NDUFAF2: variants seen among roughly 807,000 people sequenced by gnomAD.
NDUFAF2 encodes the protein NADH:ubiquinone oxidoreductase complex assembly factor 2, also known as NADH dehydrogenase [ubiquinone] 1 alpha subcomplex assembly factor 2.
NDUFAF2 carries 13 observed loss-of-function variants against 22.8 expected under a neutral mutation model. The ratio of observed to expected loss-of-function variants is 0.57; its 90% CI spans 0.37 to 0.91. The LOEUF (loss-of-function observed/expected upper bound fraction) is 0.91. Among genes scored for constraint, NDUFAF2 ranks in the 40% least tolerant of loss-of-function variants. NDUFAF2 has a pLI of 0.01. For synonymous variants in NDUFAF2, 53 were observed against 64.2 expected (o/e 0.83, Z 0.84); for missense variants, 162 against 195.2 (o/e 0.83, Z 1.01).
intron 1 of NDUFAF2, among the ~76,000 whole-genome samples, chr5:61,040,241 A>C (rs957698379): frequency 7.0e-6 from 1 of 143,758 alleles, no homozygotes; most frequent in African/African-American, 2.5e-5. Context: ...TCTTTATAGG[A>C]AGAGGAAAGG....
At chr5:60,982,636 G>A (rs928981621) in intron 1 of NDUFAF2, among the ~76,000 whole-genome samples, 4 of 146,336 alleles carry the variant, frequency 2.7e-5, no homozygotes, top group Admixed American at 7.2e-5. Flanking sequence ...ACCTATGAGT[G>A]GGAACATGCG....
At chr5:61,005,002 T>C (rs1751347510) in intron 1 of NDUFAF2, among the ~76,000 whole-genome samples, 2 of 152,150 alleles carry the variant, frequency 1.3e-5, no homozygotes, top group Non-Finnish European at 2.9e-5. Context: ...GTTTGTTACA[T>C]GTGTATACAT....
At chr5:61,056,940 ATATATATATATATT>A (rs1380663314) in intron 1 of NDUFAF2, among the ~76,000 whole-genome samples, 6 of 110,674 alleles carry the variant, frequency 5.4e-5, no homozygotes, top group East Asian at 2.5e-4. Context: ...ATATATATAT[ATATATATATATATT>A]TATATGGTGC....
intron 1 of NDUFAF2, among the ~76,000 whole-genome samples, chr5:60,980,076 C>T (rs1580077248): frequency 2.0e-5 from 3 of 152,202 alleles, no homozygotes; most frequent in Admixed American, 2.0e-4. Context: ...GCAAGCACTA[C>T]AGCATTACTG....
At chr5:61,085,936 G>A (rs1321478466) in intron 2 of NDUFAF2, among the ~76,000 whole-genome samples, 1 of 152,002 alleles carries the variant, frequency 6.6e-6, no homozygotes, top group Non-Finnish European at 1.5e-5. Context: ...GCAACATAGT[G>A]ACACCTTGTC....
chr5:61,051,406 G>A (rs1463978085), intron 1 of NDUFAF2, among the ~76,000 whole-genome samples: 2 of 152,102 alleles, frequency 1.3e-5, no homozygotes, highest in African/African-American at 4.8e-5. Context: ...ATCAGTAATA[G>A]CCAAAGAGAC....
chr5:60,974,972 C>T (rs1750883060), intron 1 of NDUFAF2, among the ~76,000 whole-genome samples: 1 of 152,026 alleles, frequency 6.6e-6, no homozygotes, highest in South Asian at 2.1e-4. Context: ...CACACCACCA[C>T]ATCCAGCTTA....
Position 60,970,491 on chromosome 5 carries a change from A to T in NDUFAF2, c.127+25109A>T, listed in dbSNP as rs1329609489. On this transcript the variant is annotated intron_variant, in intron 1 of 3. Transcript: ENST00000296597. ...TTAGGTATTTTAGTTGTACTTATTA[A>T]TGGGATTTCTTGATTTCTCTTGAAG... Among the ~76,000 whole-genome samples, 3 of 152,062 alleles carry T rather than the reference A, an allele frequency of 2.0e-5. No individual in the cohort carries two copies. In the East Asian group the frequency reaches 5.8e-4, roughly 29 times the overall value.
intron 1 of NDUFAF2, among the ~76,000 whole-genome samples, chr5:61,011,736 C>T (rs1751444829): frequency 2.6e-5 from 4 of 152,080 alleles, no homozygotes; most frequent in Admixed American, 1.3e-4. Context: ...CTACTGATAA[C>T]GTTATCATTG....
At chr5:61,111,887 G>C (rs557368471) in intron 3 of NDUFAF2, among the ~76,000 whole-genome samples, 20 of 151,892 alleles carry the variant, frequency 1.3e-4, no homozygotes, top group African/African-American at 4.8e-4. Flanking sequence ...CAAAGTGCTG[G>C]GATTACAGGT....
intron 1 of NDUFAF2, among the ~76,000 whole-genome samples, chr5:60,991,108 G>A (rs113737860): frequency 0.01 from 1,546 of 151,996 alleles, 26 homozygotes; most frequent in African/African-American, 0.034. Context: ...ATTAATATGT[G>A]TTGCAGTCTG....
chr5:61,059,024 A>G (rs1313324401), intron 1 of NDUFAF2, among the ~76,000 whole-genome samples: 1 of 152,088 alleles, frequency 6.6e-6, no homozygotes, highest in Non-Finnish European at 1.5e-5. Flanking sequence ...GTTTTTCAAC[A>G]TAATATTCAA....
chr5:60,952,152 G>C (rs1034477215), intron 1 of NDUFAF2, among the ~76,000 whole-genome samples: 1 of 151,676 alleles, frequency 6.6e-6, no homozygotes, highest in African/African-American at 2.4e-5. Flanking sequence ...TCATTTTAGA[G>C]AATTAGCTTT....
intron 1 of NDUFAF2, among the ~76,000 whole-genome samples, chr5:61,053,321 A>G (rs564021168): frequency 6.6e-6 from 1 of 152,342 alleles, no homozygotes; most frequent in African/African-American, 2.4e-5. Context: ...CAATTAATAC[A>G]ATATTTTAGA....
At chr5:61,084,843 G>C (rs1752487279) in intron 2 of NDUFAF2, among the ~76,000 whole-genome samples, 1 of 152,070 alleles carries the variant, frequency 6.6e-6, no homozygotes, top group South Asian at 2.1e-4. Flanking sequence ...AAATTTAAGT[G>C]GTCTAGAAAT....
At chr5:60,949,789 A>C (rs972671169) in intron 1 of NDUFAF2, among the ~76,000 whole-genome samples, 2 of 152,214 alleles carry the variant, frequency 1.3e-5, no homozygotes, top group Admixed American at 1.3e-4. Flanking sequence ...TTCAGCATAG[A>C]GATCATGATA....
At chr5:60,980,990 A>G (rs186009497) in intron 1 of NDUFAF2, among the ~76,000 whole-genome samples, 1 of 152,276 alleles carries the variant, frequency 6.6e-6, no homozygotes, top group African/African-American at 2.4e-5. Flanking sequence ...CAAAAAGGAG[A>G]TAAAGAGAGA....
intron 2 of NDUFAF2, among the ~76,000 whole-genome samples, chr5:61,091,389 G>A (rs1752567257): frequency 1.3e-5 from 2 of 151,822 alleles, no homozygotes; most frequent in South Asian, 2.1e-4. Context: ...TGACTGGTGT[G>A]AGATGGTGTG....
chr5:60,986,937 CAAAAAAAAAA>C (rs200015156), intron 1 of NDUFAF2, among the ~76,000 whole-genome samples: 2 of 73,478 alleles, frequency 2.7e-5, no homozygotes, highest in East Asian at 4.1e-4. Flanking sequence ...TCTTTTGTCT[CAAAAAAAAAA>C]AAAAAAAAGA....
Sources: gnomAD v4.1 joint callset for allele counts (sites outside exome capture counted in the v4.1 genomes callset) on GRCh38, gnomAD v4.1.1 for gene constraint, MANE v1.5 for transcripts, NCBI Gene and HGNC (gene_info 2026-07-23, HGNC 2026-07-21) for gene names.